The following SMC4 variants were observed in gnomAD, a reference collection of about 807,000 sequenced individuals.
SMC4 encodes structural maintenance of chromosomes 4, also known as structural maintenance of chromosomes protein 4.
Under a neutral mutation model 145.6 loss-of-function variants are expected in SMC4, and 87 were observed. The observed-to-expected ratio is 0.60, with a 90% CI of 0.50 to 0.71. The LOEUF (loss-of-function observed/expected upper bound fraction) is 0.71. SMC4 is among the 30% of genes least tolerant of loss of function. The pLI, the probability that SMC4 is intolerant of heterozygous loss-of-function variation, is 0.00. For synonymous variants in SMC4, 558 were observed against 500.7 expected (o/e 1.11, Z -1.53); for missense variants, 1,447 against 1,537.1 (o/e 0.94, Z 0.98).
At position 160,420,920 on chromosome 3, in the gene SMC4, C is replaced by T; in HGVS notation, c.2019+19C>T. 6.3e-7 allele frequency: 1 copy of T among 1,581,060 alleles called. No individual in the cohort carries two copies. The highest frequency in any genetic ancestry group is 8.6e-7 in the Non-Finnish European group (1 of 1,164,862). On this transcript the variant is annotated intron_variant, in intron 13 of 23. Transcript: ENST00000357388. ...AGATAAGGTGGGTATTCGTAATAAC[C>T]TACCTATAATTGGAATTTTTTTTTT...
rs1007429632 is a variant in SMC4 at position 160,431,682 on chromosome 3, A to G, written c.3154A>G (p.Ile1052Val). 6 of 1,609,936 alleles carry G rather than the reference A, an allele frequency of 3.7e-6. No homozygotes were observed. The highest frequency in any genetic ancestry group is 1.3e-5 in the African/African-American group (1 of 74,516). Reference protein sequence around the residue: ...ISLHPIEDNPIEEISVLSPED... With the variant: ...ISLHPIEDNPVEEISVLSPED... ...ACTGCATCCTATAGAAGATAATCCTATTGAAGAGATTTCGGTTCTAAGCCC... is the reference window on the plus strand; with the variant it reads ...ACTGCATCCTATAGAAGATAATCCTGTTGAAGAGATTTCGGTTCTAAGCCC... Residue 1052 changes from isoleucine to valine, a missense_variant, in exon 21 of 24, where the codon ATT becomes GTT. Ile to Val is a conservative substitution (Grantham distance 29). Coordinates refer to ENST00000357388, the MANE Select transcript of SMC4 (RefSeq NM_001002800.3).
intron 4 of SMC4, chr3:160,404,032 A>G (rs1715022879): frequency 2.4e-5 from 7 of 289,754 alleles, no homozygotes; most frequent in Admixed American, 5.3e-5. Flanking sequence ...AATCTTGTCT[A>G]CGTCTTCTCA....
At chr3:160,408,978 A>G (rs1312282849) in intron 5 of SMC4, among the ~76,000 whole-genome samples, 1 of 152,146 alleles carries the variant, frequency 6.6e-6, no homozygotes, top group African/African-American at 2.4e-5. Context: ...TTTAAAAAAA[A>G]GCAATACGGT....
Position 160,426,232 on chromosome 3 carries a change from A to G in SMC4, c.2605+32A>G, listed in dbSNP as rs200496424. The G allele has an allele frequency of 3.0e-3, 4,110 of 1,385,048 alleles. 16 individuals are homozygous for G. The highest frequency in any genetic ancestry group is 6.8e-3 in the East Asian group (262 of 38,466). 85.8% of individuals were successfully genotyped at this position (1,385,048 alleles called of 1,614,324 possible). Reference sequence around the variant, plus strand: ...TTAGAGATAGACCTTTTTTGGGGGGAAAAAAAAAACAGGTTTTTAAAGCTT... The same window carrying G: ...TTAGAGATAGACCTTTTTTGGGGGGGAAAAAAAAACAGGTTTTTAAAGCTT... On this transcript the variant is annotated intron_variant, in intron 17 of 23. Coordinates refer to ENST00000357388, the MANE Select transcript of SMC4 (RefSeq NM_001002800.3).
chr3:160,418,267 A>G (rs1411838249), intron 11 of SMC4, among the ~76,000 whole-genome samples: 3 of 152,238 alleles, frequency 2.0e-5, no homozygotes, highest in African/African-American at 7.2e-5. Flanking sequence ...TAAATAAAAA[A>G]CAAGTGTATA....
At chr3:160,433,472 T>C (rs893175946) in intron 23 of SMC4, 185 bp from the exon 24 acceptor site, 3 of 555,262 alleles carry the variant, frequency 5.4e-6, no homozygotes, top group African/African-American at 1.9e-5. Context: ...CTAGATCTTT[T>C]CCACTAGAAG....
intron 20 of SMC4, 115 bp from the exon 21 acceptor site, chr3:160,431,528 T>A (rs1483085942): frequency 5.0e-6 from 4 of 800,816 alleles, no homozygotes; most frequent in Non-Finnish European, 7.9e-6. Flanking sequence ...AATTGATAAA[T>A]CAGTCACAAC....
In SMC4 at chr3:160,433,282, T is replaced by C. The variant is rs182175994; in HGVS notation, c.3714+73T>C. Reference sequence around the variant, plus strand: ...CCTAAACATTACACATGGAATTCTTTATTTCTTACAATTGAGCTTTTTCTT... The same window carrying C: ...CCTAAACATTACACATGGAATTCTTCATTTCTTACAATTGAGCTTTTTCTT... On this transcript the variant is annotated intron_variant, in intron 23 of 23. Coordinates refer to ENST00000357388, the MANE Select transcript of SMC4 (RefSeq NM_001002800.3). 169 of 1,061,316 alleles carry C rather than the reference T, an allele frequency of 1.6e-4. 2 individuals carry two copies. In the East Asian group the frequency reaches 3.7e-3, roughly 23 times the overall value. 65.7% of individuals were successfully genotyped at this position (1,061,316 alleles called of 1,614,324 possible).
At position 160,420,753 on chromosome 3, in the gene SMC4, C is replaced by T; in HGVS notation, c.1871C>T (p.Ala624Val). 1 of 1,613,558 alleles carries T rather than the reference C, an allele frequency of 6.2e-7. No individual in the cohort carries two copies. The highest frequency in any genetic ancestry group is 8.5e-7 in the Non-Finnish European group (1 of 1,179,832). Residue 624 changes from alanine (A) to valine (V), a missense_variant, in exon 13 of 24, where the codon GCC (alanine) becomes GTC (valine). Coordinates refer to ENST00000357388, the MANE Select transcript of SMC4 (RefSeq NM_001002800.3). ...GIYGRLGDLG[A>V]IDEKYDVAIS... ...CTTCATTATTAGGGGGACTTAGGAG[C>T]CATTGATGAAAAATACGACGTGGCT... is the stretch of plus-strand genomic sequence containing the variant.
intron 16 of SMC4, 23 bp from the exon 17 acceptor site, chr3:160,426,051 T>G: frequency 1.3e-6 from 2 of 1,552,418 alleles, no homozygotes; most frequent in Non-Finnish European, 1.7e-6. Flanking sequence ...ATATTGACCT[T>G]AAATGTTAAA....
At position 160,419,459 on chromosome 3, in the gene SMC4, A is replaced by G; in HGVS notation, c.1773A>G (p.Ala591=). ...QKVEEAKSSL[A]MNRSRGKVLD... is the part of the protein sequence containing the mutation. Reference sequence around the variant, plus strand: ...TTGAAGAAGCAAAGAGCTCATTAGCAATGAATCGAAGTAGGGGGAAAGTCC... The same window carrying G: ...TTGAAGAAGCAAAGAGCTCATTAGCGATGAATCGAAGTAGGGGGAAAGTCC... The change falls in exon 12 of 24, where the codon GCA becomes GCG. Residue 591 remains alanine, a synonymous_variant. Transcript: ENST00000357388. 2 of 1,612,190 alleles carry G rather than the reference A, an allele frequency of 1.2e-6. No individual in the cohort carries two copies. Among genetic ancestry groups the G allele is most frequent in the Non-Finnish European group, 1.7e-6 (2 of 1,179,624 alleles).
intron 18 of SMC4, among the ~76,000 whole-genome samples, chr3:160,429,771 C>G (rs1452660106): frequency 1.4e-5 from 2 of 145,352 alleles, no homozygotes; most frequent in Admixed American, 1.4e-4. Context: ...GGCTGGAGTA[C>G]AGTGGCGCGA....
rs1358439453 is a variant in SMC4 at position 160,433,746 on chromosome 3, A to G, written c.3804A>G (p.Thr1268=). 4 of 1,600,980 alleles carry G rather than the reference A, an allele frequency of 2.5e-6. No individual in the cohort carries two copies. Among genetic ancestry groups the G allele is most frequent in the Non-Finnish European group, 3.4e-6 (4 of 1,173,680 alleles). The part of the protein sequence containing the change: ...ISDRLIGIYK[T]YNITKSVAVN... ...ATAGACTTATTGGAATTTACAAGAC[A>G]TACAACATAACAAAAAGTGTTGCTG... is the stretch of plus-strand genomic sequence containing the variant. Residue 1268 remains threonine, a synonymous_variant, in exon 24 of 24, where the codon ACA becomes ACG. Coordinates refer to ENST00000357388, the MANE Select transcript of SMC4 (RefSeq NM_001002800.3).
chr3:160,412,613 G>A, intron 7 of SMC4, 160 bp downstream of exon 7: 2 of 1,248,862 alleles, frequency 1.6e-6, no homozygotes, highest in South Asian at 1.8e-5. Flanking sequence ...TGTAATTCCA[G>A]CACTTTGGGA....
At chr3:160,404,289 C>T (rs1345895416) in intron 4 of SMC4, 39 bp from the exon 5 acceptor site, 1 of 1,569,066 alleles carries the variant, frequency 6.4e-7, no homozygotes. Context: ...TGACTTAATA[C>T]CAACAATTGT....
At chr3:160,406,084 C>T (rs777480890) in intron 5 of SMC4, among the ~76,000 whole-genome samples, 9 of 152,018 alleles carry the variant, frequency 5.9e-5, no homozygotes, top group Non-Finnish European at 1.0e-4. Context: ...ATTGTCCCAA[C>T]GAAGTAAATA....
intron 8 of SMC4, chr3:160,413,865 AT>A: frequency 3.1e-6 from 1 of 324,614 alleles, no homozygotes; most frequent in East Asian, 8.4e-5. Context: ...AACAATAAGC[AT>A]TTGGCTTCAC....
intron 11 of SMC4, among the ~76,000 whole-genome samples, chr3:160,418,498 TAAAA>T (rs559406220): frequency 6.7e-6 from 1 of 149,214 alleles, no homozygotes; most frequent in Admixed American, 6.7e-5. Context: ...AAGGTGGCAA[TAAAA>T]AAAAAATCTG....
rs1160725236 is a variant in SMC4, at chr3:160,402,236, C to G, written c.318+143C>G. 1.6e-5 allele frequency: 8 copies of G among 513,114 alleles called. No individual in the cohort carries two copies. In the Admixed American group the frequency reaches 2.6e-4, roughly 16 times the overall value. 31.8% of individuals were successfully genotyped at this position (513,114 alleles called of 1,614,324 possible). Reference sequence around the variant, plus strand: ...CCTGATAGTCTTTCTGTCTCTCTCTCTCACACACACACACACACGTTTCAT... The same window carrying G: ...CCTGATAGTCTTTCTGTCTCTCTCTGTCACACACACACACACACGTTTCAT... On this transcript the variant is annotated intron_variant, in intron 3 of 23. Transcript: ENST00000357388.
Sources: gnomAD v4.1 joint callset for allele counts (sites outside exome capture counted in the v4.1 genomes callset) on GRCh38, gnomAD v4.1.1 for gene constraint, MANE v1.5 for transcripts, NCBI Gene and HGNC (gene_info 2026-07-23, HGNC 2026-07-21) for gene names.